The following CACNA2D1 variants were observed in gnomAD, a reference collection of about 807,000 sequenced individuals.
CACNA2D1 encodes the protein voltage-dependent calcium channel subunit alpha-2/delta-1.
A neutral mutation model predicts 171.5 loss-of-function variants in CACNA2D1; 53 were observed. The observed-to-expected ratio is 0.31, with a 90% CI of 0.25 to 0.39. CACNA2D1 has a LOEUF of 0.39. Ranked by LOEUF, CACNA2D1 falls within the 10% of genes least tolerant of loss-of-function variation. The probability of loss-of-function intolerance (pLI) is 1.00; values close to 1 mark genes in which losing one functional copy is unlikely to be tolerated. For missense variants in CACNA2D1, 903 were observed against 1,299.8 expected, an observed-to-expected ratio of 0.69 and a Z score of 4.69; for synonymous variants, 442 against 443.1, an observed-to-expected ratio of 1.00 and a Z score of 0.03.
intron 22 of CACNA2D1, among the ~76,000 whole-genome samples, chr7:81,984,130 C>G (rs1796717286): frequency 6.6e-6 from 1 of 151,912 alleles, no homozygotes; most frequent in Admixed American, 6.6e-5. Context: ...AATTGCCAAA[C>G]CAAAGCCAAA....
chr7:82,205,058 C>T (rs116314185), intron 3 of CACNA2D1, among the ~76,000 whole-genome samples: 1,833 of 152,222 alleles, frequency 0.012, 24 homozygotes, highest in Middle Eastern at 0.061. Flanking sequence ...ATGCCCAGGT[C>T]GGCTTGCACC....
intron 1 of CACNA2D1, among the ~76,000 whole-genome samples, chr7:82,358,003 T>C (rs1223395078): frequency 2.0e-5 from 3 of 152,164 alleles, no homozygotes; most frequent in African/African-American, 4.8e-5. Flanking sequence ...CGTTTATTTT[T>C]AACCGAAGCA....
intron 3 of CACNA2D1, among the ~76,000 whole-genome samples, chr7:82,255,134 T>C (rs1212296520): frequency 1.3e-5 from 2 of 152,210 alleles, no homozygotes; most frequent in Non-Finnish European, 2.9e-5. Flanking sequence ...TGGATTTCTC[T>C]GCTTGAAAAA....
chr7:82,058,716 A>C (rs1332573898), intron 10 of CACNA2D1, among the ~76,000 whole-genome samples: 1 of 152,158 alleles, frequency 6.6e-6, no homozygotes, highest in Non-Finnish European at 1.5e-5. Context: ...CAGATGAAGT[A>C]GATAGAGGCC....
At chr7:82,265,100 G>A (rs1165357381) in intron 3 of CACNA2D1, among the ~76,000 whole-genome samples, 4 of 152,174 alleles carry the variant, frequency 2.6e-5, no homozygotes, top group East Asian at 1.9e-4. Context: ...ATGGCTGGCT[G>A]AATAGATTTA....
At chr7:82,258,765 T>A (rs1430526585) in intron 3 of CACNA2D1, among the ~76,000 whole-genome samples, 1 of 151,910 alleles carries the variant, frequency 6.6e-6, no homozygotes, top group Non-Finnish European at 1.5e-5. Flanking sequence ...TGAAAATGTG[T>A]TTTCTGCTTA....
chr7:82,387,086 T>A (rs1274300864), intron 1 of CACNA2D1, among the ~76,000 whole-genome samples: 1 of 151,988 alleles, frequency 6.6e-6, no homozygotes, highest in Non-Finnish European at 1.5e-5. Flanking sequence ...CTTAAGACAG[T>A]TCTTTGAGAA....
At chr7:81,955,976 ATATATTTTTTTTTT>A (rs1345685362) in intron 38 of CACNA2D1, among the ~76,000 whole-genome samples, 59 of 73,604 alleles carry the variant, frequency 8.0e-4, no homozygotes, top group African/African-American at 3.1e-3. Context: ...ATATATATAT[ATATATTTTTTTTTT>A]TTTTTTTTTT....
At chr7:82,050,817 T>G (rs938391511) in intron 10 of CACNA2D1, 2 of 542,982 alleles carry the variant, frequency 3.7e-6, no homozygotes, top group Admixed American at 6.1e-5. Context: ...CACTTGGTAC[T>G]CAACAACATT....
At chr7:82,259,934 C>A (rs2129330165) in intron 3 of CACNA2D1, among the ~76,000 whole-genome samples, 1 of 152,184 alleles carries the variant, frequency 6.6e-6, no homozygotes, top group South Asian at 2.1e-4. Context: ...TGAATTAAAA[C>A]ACTTAGGGCT....
intron 3 of CACNA2D1, among the ~76,000 whole-genome samples, chr7:82,220,424 A>G (rs1410365583): frequency 1.3e-5 from 2 of 152,154 alleles, no homozygotes; most frequent in African/African-American, 4.8e-5. Context: ...ATTTTGTTCC[A>G]CCAGCATTTC....
chr7:81,978,682 A>G lies in CACNA2D1; in HGVS notation c.1955+3885T>C, dbSNP rs192704981. On this transcript the variant is annotated intron_variant, in intron 24 of 38. Transcript: ENST00000356860. ...GTGCAGAAACCACTACAGTACATGT[A>G]TAACTATGTAACAAACCTGTACGTC... Among the ~76,000 whole-genome samples, 174 of 151,868 alleles carry G rather than the reference A, an allele frequency of 1.1e-3. 1 individual carries two copies. The highest frequency in any genetic ancestry group is 3.9e-3 in the African/African-American group (161 of 41,396).
At chr7:82,115,155 C>T (rs896501382) in intron 6 of CACNA2D1, among the ~76,000 whole-genome samples, 3 of 152,128 alleles carry the variant, frequency 2.0e-5, no homozygotes, top group African/African-American at 7.2e-5. Context: ...TGACTCAAAG[C>T]TTCTATACCC....
intron 5 of CACNA2D1, among the ~76,000 whole-genome samples, chr7:82,133,367 G>A (rs1470934538): frequency 6.6e-6 from 1 of 152,106 alleles, no homozygotes; most frequent in Non-Finnish European, 1.5e-5. Context: ...GGCAAAATCT[G>A]AATACTGGAA....
chr7:82,362,879 C>T (rs543102112), intron 1 of CACNA2D1, among the ~76,000 whole-genome samples: 44 of 152,220 alleles, frequency 2.9e-4, no homozygotes, highest in African/African-American at 9.6e-4. Context: ...GAAAAATTAT[C>T]ATGGTAATTC....
chr7:82,333,678 C>A (rs1305464917), intron 3 of CACNA2D1, among the ~76,000 whole-genome samples: 2 of 151,536 alleles, frequency 1.3e-5, no homozygotes, highest in East Asian at 3.9e-4. Flanking sequence ...GAGGACACAG[C>A]CAAACCACAT....
chr7:82,034,750 G>A (rs1241175215), intron 11 of CACNA2D1, among the ~76,000 whole-genome samples: 1 of 151,950 alleles, frequency 6.6e-6, no homozygotes, highest in Non-Finnish European at 1.5e-5. Flanking sequence ...TTTTGTTTTT[G>A]AAGTACTGAA....
At chr7:81,954,210 C>T (rs949102475) in intron 38 of CACNA2D1, among the ~76,000 whole-genome samples, 9 of 151,910 alleles carry the variant, frequency 5.9e-5, no homozygotes, top group Admixed American at 2.0e-4. Flanking sequence ...TATAATAAAT[C>T]GGTCTGATTT....
intron 4 of CACNA2D1, among the ~76,000 whole-genome samples, chr7:82,169,673 A>G (rs771220777): frequency 6.6e-6 from 1 of 152,032 alleles, no homozygotes; most frequent in Non-Finnish European, 1.5e-5. Flanking sequence ...AAAGAGTACA[A>G]TTAAGCTGTC....
Sources: gnomAD v4.1 joint callset for allele counts (sites outside exome capture counted in the v4.1 genomes callset) on GRCh38, gnomAD v4.1.1 for gene constraint, MANE v1.5 for transcripts, NCBI Gene and HGNC (gene_info 2026-07-23, HGNC 2026-07-21) for gene names.